The following PHACTR2 variants were observed in gnomAD, a reference collection of about 807,000 sequenced individuals.
PHACTR2 encodes the protein phosphatase and actin regulator 2.
Under a neutral mutation model 76.0 loss-of-function variants are expected in PHACTR2, and 30 were observed. That is an observed-to-expected ratio of 0.39 (90% CI 0.30 to 0.54). The LOEUF (loss-of-function observed/expected upper bound fraction) is 0.54. Ranked by LOEUF, PHACTR2 falls within the 20% of genes least tolerant of loss-of-function variation. The probability of loss-of-function intolerance (pLI) is 0.61; values close to 1 mark genes in which losing one functional copy is unlikely to be tolerated. For synonymous variants in PHACTR2, 292 were observed against 292.5 expected (o/e 1.00, Z 0.02); for missense variants, 696 against 781.1 (o/e 0.89, Z 1.30).
At position 143,654,574 on chromosome 6, in the gene PHACTR2, G is replaced by A. The variant is rs191096819; in HGVS notation, c.13+46252G>A. 1.1e-4 allele frequency among the ~76,000 whole-genome samples: 17 copies of A among 152,236 alleles called. No homozygotes were observed. The East Asian group carries it at 2.9e-3, about 26-fold the overall frequency. ...AATCTTGGCACTTTGGGAGACTGAG[G>A]TGGGAGGATCACTCGAGGCCTGGAG... On this transcript the variant is annotated intron_variant, in intron 1 of 11. Coordinates refer to the PHACTR2 transcript ENST00000305766. This position sits in a 1 kb window ranked among gnomAD's most constrained non-coding sequence, Gnocchi z 4.6.
At chr6:143,555,749 C>T (rs1318344054) in intron 1 of PHACTR2, among the ~76,000 whole-genome samples, 1 of 151,928 alleles carries the variant, frequency 6.6e-6, no homozygotes, top group Non-Finnish European at 1.5e-5. Context: ...AATATTTTTC[C>T]TACCTCATCG....
chr6:143,711,158 A>T, intron 1 of PHACTR2: 1 of 400,500 alleles, frequency 2.5e-6, no homozygotes, highest in Non-Finnish European at 4.9e-6. Context: ...GTTTCTTCTC[A>T]GGTTATTTCT....
rs537458821 is a variant in PHACTR2, at chr6:143,564,183, A to G, written c.217+26976A>G. Among the ~76,000 whole-genome samples the G allele has an allele frequency of 3.8e-3, 106 of 27,820 alleles. 2 individuals are homozygous for G. The highest frequency in any genetic ancestry group is 7.7e-3 in the Non-Finnish European group (80 of 10,324). The allele number at this position is 27,820 out of a possible 152,430, so 18.3% of individuals were successfully genotyped here. On this transcript the variant is annotated intron_variant, in intron 1 of 11. Transcript: ENST00000367584. ...TGTGTGTGCATATATGTGTGTGTGT[A>G]TGTGTGTGTGTGCATATATATATAT...
chr6:143,744,763 A>T (rs1164379765), intron 2 of PHACTR2, among the ~76,000 whole-genome samples: 3 of 152,222 alleles, frequency 2.0e-5, no homozygotes, highest in South Asian at 2.1e-4. Context: ...TAAGATGGGC[A>T]GCCATGGGAA....
chr6:143,818,448 A>G lies in PHACTR2; in HGVS notation c.1923-5226A>G, dbSNP rs148299920. On this transcript the variant is annotated intron_variant, in intron 12 of 12. Coordinates refer to ENST00000440869, the MANE Select transcript of PHACTR2 (RefSeq NM_001100164.2). The surrounding 1 kb of genome is among the most constrained non-coding windows in gnomAD (Gnocchi z 4.9). ...CATCGTAAGATTGTTTTGGGGATTA[A>G]ATGAGGAAATAGATGCATAGCACTT... 6.6e-6 allele frequency among the ~76,000 whole-genome samples: 1 copy of G among 152,350 alleles called. No homozygotes were observed. Among genetic ancestry groups the G allele is most frequent in the East Asian group, 1.9e-4 (1 of 5,190 alleles).
rs1324486228 is a variant in PHACTR2, at chr6:143,580,982, A to G, written c.217+43775A>G. Among the ~76,000 whole-genome samples, 15 of 152,236 alleles carry G rather than the reference A, an allele frequency of 9.9e-5. No individual in the cohort carries two copies. Among genetic ancestry groups the G allele is most frequent in the Non-Finnish European group, 1.5e-4 (10 of 68,042 alleles). On this transcript the variant is annotated intron_variant, in intron 1 of 11. Coordinates refer to the PHACTR2 transcript ENST00000367584. This position sits in a 1 kb window ranked among gnomAD's most constrained non-coding sequence, Gnocchi z 4.2. The stretch of plus-strand genomic sequence containing the variant: ...GGCAACACAGCAGACCAGATATCCT[A>G]TAAAAGTCTTCCATTACAGAACACC...
At chr6:143,649,453 G>A (rs1040025325) in intron 1 of PHACTR2, among the ~76,000 whole-genome samples, 3 of 152,050 alleles carry the variant, frequency 2.0e-5, no homozygotes, top group Non-Finnish European at 2.9e-5. Context: ...ACAAAATACT[G>A]GCAAACCAAA....
rs1312683368 is a variant in PHACTR2, at chr6:143,583,890, G to A, written c.217+46683G>A. ...GACTTCCAGAATTCTGAGAGGTCTA[G>A]AGTGCTGGGACGGTGTCTTATTTAT... On this transcript the variant is annotated intron_variant, in intron 1 of 11. Transcript: ENST00000367584. The surrounding 1 kb of genome is among the most constrained non-coding windows in gnomAD (Gnocchi z 4.0). Among the ~76,000 whole-genome samples, 1 of 152,204 alleles carries A rather than the reference G, an allele frequency of 6.6e-6. No homozygotes were observed. The highest frequency in any genetic ancestry group is 1.5e-5 in the Non-Finnish European group (1 of 68,030).
intron 10 of PHACTR2, among the ~76,000 whole-genome samples, chr6:143,785,859 C>T (rs1167556823): frequency 6.6e-6 from 1 of 152,230 alleles, no homozygotes; most frequent in Non-Finnish European, 1.5e-5. Flanking sequence ...GCACCAAGTC[C>T]CTAGGCTGCA....
Position 143,580,008 on chromosome 6 carries a change from CTGT to C in PHACTR2, c.217+42806_217+42808del, listed in dbSNP as rs1775554865. Reference sequence around the variant, plus strand: ...ACTGGGGACCTTAGTTCCCCATGGGCTGTTGTTTTGCAGGCCACCCTCAGTTTC... The same window carrying C: ...ACTGGGGACCTTAGTTCCCCATGGGCTGTTTTGCAGGCCACCCTCAGTTTC... On this transcript the variant is annotated intron_variant, in intron 1 of 11. Coordinates refer to the PHACTR2 transcript ENST00000367584. This position sits in a 1 kb window ranked among gnomAD's most constrained non-coding sequence, Gnocchi z 4.2. Among the ~76,000 whole-genome samples the C allele has an allele frequency of 6.6e-6, 1 of 152,166 alleles. No individual in the cohort carries two copies. The highest frequency in any genetic ancestry group is 2.4e-5 in the African/African-American group (1 of 41,436).
intron 1 of PHACTR2, among the ~76,000 whole-genome samples, chr6:143,637,844 G>GT (rs1442076148): frequency 2.6e-5 from 4 of 152,160 alleles, no homozygotes; most frequent in Non-Finnish European, 4.4e-5. Flanking sequence ...TTTGGCAAAC[G>GT]TGATAACATA....
At chr6:143,685,557 A>G (rs764761981) in intron 1 of PHACTR2, among the ~76,000 whole-genome samples, 8 of 152,116 alleles carry the variant, frequency 5.3e-5, no homozygotes, top group Non-Finnish European at 1.0e-4. Flanking sequence ...CGGGGTAACT[A>G]ATATTAATAT....
chr6:143,701,442 G>C (rs778711220), intron 1 of PHACTR2, among the ~76,000 whole-genome samples: 2 of 152,320 alleles, frequency 1.3e-5, no homozygotes, highest in Non-Finnish European at 2.9e-5. Context: ...GAAATTAACC[G>C]TGATGACACT....
chr6:143,790,676 CTT>C (rs758900964), intron 11 of PHACTR2, among the ~76,000 whole-genome samples: 14 of 140,122 alleles, frequency 1.0e-4, no homozygotes, highest in Admixed American at 2.2e-4. Flanking sequence ...TAACAAGATT[CTT>C]TTTTTTTTTT....
chr6:143,768,562 G>A (rs1775012372), intron 6 of PHACTR2, among the ~76,000 whole-genome samples: 1 of 152,158 alleles, frequency 6.6e-6, no homozygotes, highest in Admixed American at 6.5e-5. Flanking sequence ...ATATCCAAAG[G>A]TGGCCTGACT....
rs1023286944 is a variant in PHACTR2, at chr6:143,739,715, T to C, written c.215-9270T>C. On this transcript the variant is annotated intron_variant, in intron 2 of 12. Transcript: ENST00000440869. The surrounding 1 kb of genome is among the most constrained non-coding windows in gnomAD (Gnocchi z 4.3). Reference sequence around the variant, plus strand: ...CTTGTACTTCCTGGCCCTTCTGGGATTGAGGACTTGCTCATTGTTTGAATC... The same window carrying C: ...CTTGTACTTCCTGGCCCTTCTGGGACTGAGGACTTGCTCATTGTTTGAATC... Among the ~76,000 whole-genome samples, 10 of 152,318 alleles carry C rather than the reference T, an allele frequency of 6.6e-5. No homozygotes were observed. The highest frequency in any genetic ancestry group is 1.9e-4 in the East Asian group (1 of 5,184).
chr6:143,600,627 C>A (rs1340043752), intron 1 of PHACTR2, among the ~76,000 whole-genome samples: 1 of 152,216 alleles, frequency 6.6e-6, no homozygotes, highest in East Asian at 1.9e-4. Context: ...GCAGCCATCT[C>A]CTGGAATTTA....
intron 12 of PHACTR2, among the ~76,000 whole-genome samples, chr6:143,808,212 C>T (rs1259523196): frequency 6.6e-6 from 1 of 151,462 alleles, no homozygotes; most frequent in Non-Finnish European, 1.5e-5. Context: ...TTACTGCAAC[C>T]TCCACCTCCC....
chr6:143,759,629 A>G (rs1418629443), intron 4 of PHACTR2, among the ~76,000 whole-genome samples: 8 of 108,052 alleles, frequency 7.4e-5, no homozygotes, highest in African/African-American at 1.2e-4. Flanking sequence ...ACCCTATCTG[A>G]AAAAAAAAAA....
Sources: gnomAD v4.1 joint callset for allele counts (sites outside exome capture counted in the v4.1 genomes callset) on GRCh38, gnomAD v4.1.1 for gene constraint, Gnocchi (gnomAD v3.1) non-coding constraint, MANE v1.5 for transcripts, NCBI Gene and HGNC (gene_info 2026-07-23, HGNC 2026-07-21) for gene names.